Variants in CADM2 observed in about 807,000 individuals in gnomAD.
The protein encoded by CADM2 is cell adhesion molecule 2.
Under a neutral mutation model 49.8 loss-of-function variants are expected in CADM2, and 12 were observed. The observed-to-expected ratio is 0.24, with a 90% CI of 0.15 to 0.39. The LOEUF (loss-of-function observed/expected upper bound fraction) is 0.39. Ranked by LOEUF, CADM2 falls within the 10% of genes least tolerant of loss-of-function variation. CADM2 has a pLI of 1.00. For missense variants in CADM2, 378 were observed against 492.3 expected (o/e 0.77, Z 2.20); for synonymous variants, 214 against 175.4 (o/e 1.22, Z -1.74).
intron 1 of CADM2, among the ~76,000 whole-genome samples, chr3:85,344,513 G>A (rs2030367314): frequency 6.6e-6 from 1 of 151,906 alleles, no homozygotes; most frequent in South Asian, 2.1e-4. Flanking sequence ...GTAGAGATGG[G>A]CTTAAATGGG....
chr3:85,344,702 A>G (rs896288175), intron 1 of CADM2, among the ~76,000 whole-genome samples: 5 of 152,126 alleles, frequency 3.3e-5, no homozygotes, highest in Non-Finnish European at 7.4e-5. Flanking sequence ...AGACGTGTTC[A>G]TTCTTTGATA....
intron 1 of CADM2, among the ~76,000 whole-genome samples, chr3:85,307,160 C>CAT (rs990054476): frequency 9.3e-5 from 14 of 151,252 alleles, no homozygotes; most frequent in African/African-American, 2.7e-4. Flanking sequence ...TACGTATATG[C>CAT]ATATATATAT....
At chr3:86,019,473 T>C (rs1732819774) in intron 8 of CADM2, among the ~76,000 whole-genome samples, 2 of 151,138 alleles carry the variant, frequency 1.3e-5, no homozygotes, top group Non-Finnish European at 2.9e-5. Context: ...TTGGGCAGTA[T>C]GGCCATTTTC....
chr3:85,710,843 A>G (rs80352823), intron 1 of CADM2, among the ~76,000 whole-genome samples: 1,645 of 152,222 alleles, frequency 0.011, 25 homozygotes, highest in African/African-American at 0.037. Context: ...TTTAGAGTGC[A>G]TGATATTTGA....
chr3:85,138,733 C>G lies in CADM2; in HGVS notation c.61+179065C>G, dbSNP rs1307454937. Among the ~76,000 whole-genome samples, 7 of 151,894 alleles carry G rather than the reference C, an allele frequency of 4.6e-5. No homozygotes were observed. The South Asian group carries it at 1.2e-3, about 27-fold the overall frequency. ...GGGTATGATATTCTTCATGTTAATG[C>G]CACCATCCTGGAGGAGACAGCACAA... On this transcript the variant is annotated intron_variant, in intron 1 of 9. Coordinates refer to ENST00000383699, the MANE Select transcript of CADM2 (RefSeq NM_001167675.2).
intron 1 of CADM2, among the ~76,000 whole-genome samples, chr3:85,579,404 A>T (rs931833588): frequency 2.6e-5 from 4 of 152,102 alleles, no homozygotes; most frequent in African/African-American, 9.7e-5. Flanking sequence ...ACCATTTCTC[A>T]GATGTGTGCA....
chr3:85,039,968 A>G (rs2107359250), intron 1 of CADM2, among the ~76,000 whole-genome samples: 1 of 152,322 alleles, frequency 6.6e-6, no homozygotes, highest in African/African-American at 2.4e-5. Flanking sequence ...GCTGATTTCC[A>G]TAAGACCAAA....
At chr3:85,988,441 C>T (rs549286119) in intron 8 of CADM2, among the ~76,000 whole-genome samples, 4 of 152,126 alleles carry the variant, frequency 2.6e-5, no homozygotes, top group South Asian at 2.1e-4. Context: ...CTGCTTTTAG[C>T]GAAGCTATGA....
At chr3:85,781,981 T>TA (rs1235876475) in intron 2 of CADM2, among the ~76,000 whole-genome samples, 2 of 152,138 alleles carry the variant, frequency 1.3e-5, no homozygotes, top group African/African-American at 4.8e-5. Context: ...TTTAGCCACT[T>TA]ATGCTTTGCT....
intron 1 of CADM2, among the ~76,000 whole-genome samples, chr3:85,218,992 C>T (rs534425450): frequency 9.9e-5 from 15 of 152,056 alleles, no homozygotes; most frequent in African/African-American, 1.9e-4. Flanking sequence ...ATGATTGCCT[C>T]GCATATCATG....
chr3:85,625,468 A>G (rs552613753), intron 1 of CADM2, among the ~76,000 whole-genome samples: 1 of 152,204 alleles, frequency 6.6e-6, no homozygotes, highest in East Asian at 1.9e-4. Flanking sequence ...TACAATAAAT[A>G]GTTTTATTCA....
chr3:85,417,817 C>G (rs987491694), intron 1 of CADM2, among the ~76,000 whole-genome samples: 3 of 152,058 alleles, frequency 2.0e-5, no homozygotes, highest in Admixed American at 6.5e-5. Flanking sequence ...TGGTCTAGAG[C>G]AGTGCTTTTA....
chr3:85,332,596 T>G (rs978911228), intron 1 of CADM2, among the ~76,000 whole-genome samples: 1 of 151,956 alleles, frequency 6.6e-6, no homozygotes, highest in Non-Finnish European at 1.5e-5. Context: ...TATTTTCACT[T>G]TTGTATTATG....
chr3:85,412,693 A>G (rs1350278316), intron 1 of CADM2, among the ~76,000 whole-genome samples: 2 of 152,188 alleles, frequency 1.3e-5, no homozygotes, highest in African/African-American at 4.8e-5. Context: ...TATTGAAAAT[A>G]AAACAAAAAG....
intron 1 of CADM2, among the ~76,000 whole-genome samples, chr3:85,012,943 G>A (rs771224381): frequency 1.5e-4 from 22 of 151,532 alleles, no homozygotes; most frequent in Non-Finnish European, 3.2e-4. Flanking sequence ...TTACTAGTAA[G>A]AATACCAAAT....
At chr3:85,428,143 T>A (rs1192333946) in intron 1 of CADM2, among the ~76,000 whole-genome samples, 1 of 151,356 alleles carries the variant, frequency 6.6e-6, no homozygotes, top group African/African-American at 2.4e-5. Context: ...GAGTACTTTC[T>A]CACATGAATT....
chr3:85,853,640 TTAAA>T (rs1347284087), intron 3 of CADM2, among the ~76,000 whole-genome samples: 27 of 151,716 alleles, frequency 1.8e-4, no homozygotes, highest in African/African-American at 6.3e-4. Flanking sequence ...GAAATGCTTC[TTAAA>T]TAAAACCAAA....
chr3:86,057,405 T>A (rs1425901056), intron 8 of CADM2, among the ~76,000 whole-genome samples: 1 of 152,174 alleles, frequency 6.6e-6, no homozygotes, highest in Admixed American at 6.5e-5. Flanking sequence ...CATTTATACT[T>A]GATAGTAACA....
At chr3:85,446,991 C>CATATAT (rs141177883) in intron 1 of CADM2, among the ~76,000 whole-genome samples, 1,553 of 54,378 alleles carry the variant, frequency 0.029, 65 homozygotes, top group Non-Finnish European at 0.035. Context: ...ATATGTATTG[C>CATATAT]ATATATATAT....
Sources: allele counts gnomAD v4.1 joint callset (sites outside exome capture counted in the v4.1 genomes callset), GRCh38; gene constraint gnomAD v4.1.1; transcripts MANE v1.5; gene names NCBI Gene and HGNC (gene_info 2026-07-23, HGNC 2026-07-21).